KAZN: variants seen among roughly 807,000 people sequenced by gnomAD.
KAZN encodes kazrin, periplakin interacting protein.
KAZN carries 40 observed loss-of-function variants against 87.4 expected under a neutral mutation model. That is an observed-to-expected ratio of 0.46 (90% confidence interval 0.36 to 0.60). The LOEUF is 0.60. Ranked by LOEUF, KAZN falls within the 20% of genes least tolerant of loss-of-function variation. KAZN has a pLI of 0.00. For missense variants in KAZN, 898 were observed against 1,073.9 expected, an observed-to-expected ratio of 0.84 and a Z score of 2.29; for synonymous variants, 466 against 458.3, an observed-to-expected ratio of 1.02 and a Z score of -0.22.
chr1:14,525,003 A>G (rs180921090), intron 2 of KAZN, among the ~76,000 whole-genome samples: 302 of 152,252 alleles, frequency 2.0e-3, no homozygotes, highest in African/African-American at 6.9e-3. Context: ...TCTACTCCAA[A>G]CCCCATGTGG....
chr1:14,302,559 T>C (rs1654626490), intron 2 of KAZN, among the ~76,000 whole-genome samples: 1 of 152,210 alleles, frequency 6.6e-6, no homozygotes, highest in African/African-American at 2.4e-5. Flanking sequence ...GAATAAAGGT[T>C]AGATTCCAGG....
chr1:14,297,065 CATGT>C (rs1654180140), intron 2 of KAZN, among the ~76,000 whole-genome samples: 1 of 152,102 alleles, frequency 6.6e-6, no homozygotes, highest in Non-Finnish European at 1.5e-5. Context: ...CTGGCTGAGT[CATGT>C]ATCAATTAGC....
chr1:14,819,028 C>CT (rs1168897444), intron 1 of KAZN, among the ~76,000 whole-genome samples: 1 of 152,170 alleles, frequency 6.6e-6, no homozygotes, highest in Non-Finnish European at 1.5e-5. Flanking sequence ...GCACTCCAGC[C>CT]TGGGCAACAA....
chr1:14,782,919 G>C (rs1645400030), intron 1 of KAZN, among the ~76,000 whole-genome samples: 1 of 152,110 alleles, frequency 6.6e-6, no homozygotes, highest in Non-Finnish European at 1.5e-5. Context: ...CAGTCCTGCT[G>C]ACCTTTGTTT....
intron 1 of KAZN, among the ~76,000 whole-genome samples, chr1:14,740,506 G>C (rs1430973798): frequency 6.6e-6 from 1 of 152,024 alleles, no homozygotes; most frequent in Non-Finnish European, 1.5e-5. Context: ...CTTGCTAAAA[G>C]TCTCGCCCAC....
chr1:14,475,711 G>C (rs1453584024), intron 2 of KAZN, among the ~76,000 whole-genome samples: 1 of 152,198 alleles, frequency 6.6e-6, no homozygotes, highest in Non-Finnish European at 1.5e-5. Context: ...GAGGGCTCTT[G>C]TGAGTATGTG....
intron 1 of KAZN, among the ~76,000 whole-genome samples, chr1:14,768,536 G>A (rs187418742): frequency 2.4e-4 from 37 of 152,314 alleles, no homozygotes; most frequent in East Asian, 1.3e-3. Flanking sequence ...TCAAACAGAC[G>A]TAAGATTTCA....
intron 1 of KAZN, among the ~76,000 whole-genome samples, chr1:14,766,511 C>T (rs907551507): frequency 6.6e-6 from 1 of 151,034 alleles, no homozygotes; most frequent in Admixed American, 6.6e-5. Flanking sequence ...TATGGTAATC[C>T]TAGTATATTA....
chr1:14,482,164 T>C (rs536946162), intron 2 of KAZN, among the ~76,000 whole-genome samples: 35 of 152,232 alleles, frequency 2.3e-4, no homozygotes, highest in Middle Eastern at 6.8e-3. Flanking sequence ...ACAGGTGCCA[T>C]CTACCAAGGA....
At chr1:14,696,431 G>T (rs1641606278) in intron 1 of KAZN, among the ~76,000 whole-genome samples, 1 of 152,230 alleles carries the variant, frequency 6.6e-6, no homozygotes, top group African/African-American at 2.4e-5. Flanking sequence ...GGTTAATGCT[G>T]CTGAGTGTAA....
At chr1:14,358,409 G>A (rs573163327) in intron 2 of KAZN, among the ~76,000 whole-genome samples, 12 of 147,614 alleles carry the variant, frequency 8.1e-5, no homozygotes, top group South Asian at 4.3e-4. Flanking sequence ...ATGGTTTTTC[G>A]TGTCTCTATC....
chr1:14,096,030 A>G lies in KAZN; in HGVS notation c.92-84405A>G, dbSNP rs144873350. On this transcript the variant is annotated intron_variant, in intron 1 of 16. Transcript: ENST00000636203. ...TCAATGAAATTGCTTCTTATAGGCTAAAAATGGTAGAATAGTAGCAATTTC... is the reference window on the plus strand; with the variant it reads ...TCAATGAAATTGCTTCTTATAGGCTGAAAATGGTAGAATAGTAGCAATTTC... Among the ~76,000 whole-genome samples, 468 of 152,358 alleles carry G rather than the reference A, an allele frequency of 3.1e-3. 11 individuals carry two copies. The South Asian group carries it at 0.067, about 22-fold the overall frequency.
chr1:14,888,899 G>A (rs1186262484), intron 1 of KAZN, among the ~76,000 whole-genome samples: 5 of 152,120 alleles, frequency 3.3e-5, no homozygotes, highest in South Asian at 2.1e-4. Flanking sequence ...GTCAAATCAC[G>A]CACAGACTCT....
At chr1:14,942,709 C>T (rs188332792) in intron 1 of KAZN, among the ~76,000 whole-genome samples, 74 of 152,294 alleles carry the variant, frequency 4.9e-4, no homozygotes, top group Admixed American at 4.8e-3. Context: ...TGGGCTTGTG[C>T]CTTGGGCTAG....
intron 4 of KAZN, among the ~76,000 whole-genome samples, chr1:15,047,997 G>C (rs1673765828): frequency 1.3e-5 from 2 of 152,306 alleles, no homozygotes; most frequent in South Asian, 4.1e-4. Context: ...GGTTTCTTAA[G>C]TGACCCTGAG....
chr1:14,040,821 G>A (rs937257291), intron 1 of KAZN, among the ~76,000 whole-genome samples: 3 of 125,290 alleles, frequency 2.4e-5, no homozygotes, highest in Admixed American at 7.5e-5. Context: ...AAATAAAATA[G>A]AAAAGAAAGC....
chr1:14,139,791 A>G (rs1645191955), intron 1 of KAZN, among the ~76,000 whole-genome samples: 1 of 152,182 alleles, frequency 6.6e-6, no homozygotes, highest in Non-Finnish European at 1.5e-5. Context: ...TCTGGGCCTC[A>G]ATTTTCTTTA....
chr1:14,280,732 A>G (rs60692354), intron 2 of KAZN, among the ~76,000 whole-genome samples: 2 of 152,240 alleles, frequency 1.3e-5, no homozygotes, highest in Admixed American at 1.3e-4. Flanking sequence ...GTCCTGGGAA[A>G]CTATTACAAA....
chr1:15,112,528 A>G lies in KAZN; in HGVS notation c.2150A>G (p.Tyr717Cys), dbSNP rs1641679631. The stretch of plus-strand genomic sequence containing the variant: ...GAGGAGAACAGCAGCGGTCTCAAGT[A>G]CAAGGCTGGCCGGGTAAGTCTCTCA... ...GKEENSSGLK[Y>C]KAGRLPLGKI... Residue 717 changes from tyrosine to cysteine, a missense_variant, in exon 14 of 15, where the codon TAC (tyrosine) becomes TGC (cysteine). This residue lies in a region of KAZN where 127 missense variants were observed against 121.5 expected (regional missense o/e 1.04). Coordinates refer to ENST00000376030, the MANE Select transcript of KAZN (RefSeq NM_201628.3). 1 of 1,602,122 alleles carries G rather than the reference A, an allele frequency of 6.2e-7. No homozygotes were observed. The highest frequency in any genetic ancestry group is 8.5e-7 in the Non-Finnish European group (1 of 1,175,202).
Sources: gnomAD v4.1 joint callset for allele counts (sites outside exome capture counted in the v4.1 genomes callset) on GRCh38, gnomAD v4.1.1 for gene constraint, gnomAD v4.1.1 regional missense constraint, MANE v1.5 for transcripts, NCBI Gene and HGNC (gene_info 2026-07-23, HGNC 2026-07-21) for gene names.